Variants in ROCK2 observed in about 807,000 individuals in gnomAD.
The protein encoded by ROCK2 is Rho associated coiled-coil containing protein kinase 2.
Under a neutral mutation model 195.1 loss-of-function variants are expected in ROCK2, and 61 were observed. The observed-to-expected ratio is 0.31, with a 90% CI of 0.25 to 0.39. The LOEUF is 0.39. ROCK2 is among the 10% of genes least tolerant of loss of function. ROCK2 has a pLI of 1.00. For synonymous variants in ROCK2, 504 were observed against 545.5 expected (o/e 0.92, Z 1.06); for missense variants, 1,109 against 1,637.4 (o/e 0.68, Z 5.57).
intron 6 of ROCK2, 100 bp downstream of exon 6, chr2:11,227,154 T>A: frequency 8.8e-7 from 1 of 1,133,042 alleles, no homozygotes; most frequent in Non-Finnish European, 1.3e-6. Flanking sequence ...AATTCTTCCC[T>A]ACGACAAAGG....
chr2:11,181,181 A>AAAATATAT lies in ROCK2; in HGVS notation c.*2255_*2256insATATATTT, dbSNP rs894347975. 1 of 136,160 alleles carries AAAATATAT rather than the reference A, an allele frequency of 7.3e-6. No individual in the cohort carries two copies. The highest frequency in any genetic ancestry group is 1.6e-5 in the Non-Finnish European group (1 of 63,196). 8.4% of individuals were successfully genotyped at this position (136,160 alleles called of 1,614,324 possible). A position where few individuals can be genotyped will look rare whatever the true frequency, so the allele number is the denominator to read the frequency against. ...TTTCACCTTAATAAAGTTTATTAAA[A>AAAATATAT]ATATATATATATATATATATATATA... On this transcript the variant is annotated 3_prime_UTR_variant, in exon 33 of 33. Transcript: ENST00000315872.
At chr2:11,184,588 AT>A (rs1663121916) in intron 32 of ROCK2, 1 of 975,292 alleles carries the variant, frequency 1.0e-6, no homozygotes, top group African/African-American at 1.8e-5. Flanking sequence ...AAAATAAAAA[AT>A]AATGAAAGCC....
At chr2:11,308,789 T>A in intron 1 of ROCK2, 1 of 1,612,284 alleles carries the variant, frequency 6.2e-7, no homozygotes, top group Non-Finnish European at 8.5e-7. Context: ...CAGCACCAAG[T>A]GTTTTGCTTT....
chr2:11,293,499 C>T (rs1015686421), intron 1 of ROCK2, among the ~76,000 whole-genome samples: 1 of 152,126 alleles, frequency 6.6e-6, no homozygotes, highest in Non-Finnish European at 1.5e-5. Context: ...AAGACAGGAG[C>T]AATAGGAATG....
intron 1 of ROCK2, among the ~76,000 whole-genome samples, chr2:11,317,610 A>ATTTTTTTTTTTTTT: frequency 6.0e-5 from 1 of 16,800 alleles, no homozygotes; most frequent in African/African-American, 2.0e-4. Flanking sequence ...ATATATATAT[A>ATTTTTTTTTTTTTT]TATTTTTTTT....
intron 18 of ROCK2, among the ~76,000 whole-genome samples, chr2:11,209,859 T>C (rs1331173036): frequency 1.7e-4 from 26 of 152,204 alleles, no homozygotes; most frequent in Admixed American, 1.7e-3. Flanking sequence ...ACATTCCCCA[T>C]GTAGTACTAA....
chr2:11,269,791 C>T (rs1415200565), intron 3 of ROCK2, among the ~76,000 whole-genome samples: 1 of 152,174 alleles, frequency 6.6e-6, no homozygotes, highest in African/African-American at 2.4e-5. Context: ...TGCTCTGTCA[C>T]CCAGGCTGGA....
At position 11,198,661 on chromosome 2, in the gene ROCK2, C is replaced by A. The variant is rs377717550; in HGVS notation, c.3004+20G>T. The A allele has an allele frequency of 8.8e-5, 139 of 1,577,096 alleles. 1 individual carries two copies. The highest frequency in any genetic ancestry group is 1.2e-4 in the Non-Finnish European group (137 of 1,153,636). On this transcript the variant is annotated intron_variant, in intron 24 of 32. Transcript: ENST00000315872. ...AAACATTAGGTATATTAAAAATAAA[C>A]ATTTTTTGTTAATACATACGCTCTT...
intron 1 of ROCK2, among the ~76,000 whole-genome samples, chr2:11,334,403 C>T (rs944941834): frequency 6.7e-6 from 1 of 148,676 alleles, no homozygotes; most frequent in African/African-American, 2.5e-5. Flanking sequence ...CCCAGCTACT[C>T]GGGAGGCAGA....
intron 1 of ROCK2, among the ~76,000 whole-genome samples, chr2:11,332,244 A>T (rs970994137): frequency 6.6e-6 from 1 of 152,148 alleles, no homozygotes; most frequent in African/African-American, 2.4e-5. Context: ...ACAAGGTTTT[A>T]AAAAAATGCT....
intron 9 of ROCK2, among the ~76,000 whole-genome samples, chr2:11,219,379 T>TGGACACCTGTAGTACCA (rs1389314002): frequency 1.5e-5 from 2 of 136,514 alleles, no homozygotes; most frequent in African/African-American, 5.3e-5. Context: ...GGCATGGTGG[T>TGGACACCTGTAGTACCA]GGACACCTGT....
At chr2:11,223,860 A>G (rs1664720192) in intron 7 of ROCK2, among the ~76,000 whole-genome samples, 1 of 152,164 alleles carries the variant, frequency 6.6e-6, no homozygotes, top group Non-Finnish European at 1.5e-5. Flanking sequence ...AATTTCCAGG[A>G]TAGTCTTGCT....
At chr2:11,289,901 C>A (rs2148198340) in intron 1 of ROCK2, among the ~76,000 whole-genome samples, 1 of 152,276 alleles carries the variant, frequency 6.6e-6, no homozygotes, top group Admixed American at 6.5e-5. Context: ...CTCAACTCAA[C>A]CATCTTGTTT....
chr2:11,282,606 G>GAAA (rs771050154), intron 3 of ROCK2, among the ~76,000 whole-genome samples: 1 of 27,398 alleles, frequency 3.6e-5, no homozygotes. Context: ...ATATCTACAT[G>GAAA]CAAAAAAAAA....
rs73917510 is a variant in ROCK2 at position 11,209,072 on chromosome 2, A to G, written c.2204-625T>C. Among the ~76,000 whole-genome samples the G allele has an allele frequency of 5.8e-3, 890 of 152,312 alleles. 12 individuals are homozygous for G. The highest frequency in any genetic ancestry group is 0.02 in the African/African-American group (835 of 41,568). On this transcript the variant is annotated intron_variant, in intron 18 of 32. Transcript: ENST00000315872. ...TTTAAACAAAGGTTTCTTATATTCT[A>G]CTGCTTACTGCTATTCTATGTCTCT...
chr2:11,200,051 G>C (rs924442990), intron 23 of ROCK2, among the ~76,000 whole-genome samples: 6 of 152,148 alleles, frequency 3.9e-5, no homozygotes, highest in African/African-American at 1.4e-4. Context: ...GTATTTCAAA[G>C]TTGTTTTACC....
intron 3 of ROCK2, among the ~76,000 whole-genome samples, chr2:11,250,932 A>G (rs567620344): frequency 6.6e-6 from 1 of 152,092 alleles, no homozygotes; most frequent in Admixed American, 6.5e-5. Context: ...TTCCCATATC[A>G]TCTCTGCATG....
At chr2:11,311,414 TGCA>T (rs1286142799) in intron 1 of ROCK2, among the ~76,000 whole-genome samples, 1 of 152,102 alleles carries the variant, frequency 6.6e-6, no homozygotes, top group Non-Finnish European at 1.5e-5. Context: ...CTAGCATTCT[TGCA>T]GAGTAGGGAA....
chr2:11,344,463 G>C lies in ROCK2; in HGVS notation c.-327C>G. On this transcript the variant is annotated 5_prime_UTR_variant, in exon 1 of 33. Coordinates refer to ENST00000315872, the MANE Select transcript of ROCK2 (RefSeq NM_004850.5). This position sits in a 1 kb window ranked among gnomAD's most constrained non-coding sequence, Gnocchi z 5.4. ...GGAGTCCTCGGGCGGGAGCAGGGAA[G>C]TGGCGCCGCCACCGCCGCGGCCCGG... The C allele has an allele frequency of 2.0e-6, 2 of 1,010,398 alleles. No individual in the cohort carries two copies. Among genetic ancestry groups the C allele is most frequent in the African/African-American group, 1.7e-5 (1 of 58,380 alleles). The allele number at this position is 1,010,398 out of a possible 1,614,324, so 62.6% of individuals were successfully genotyped here. A position where few individuals can be genotyped will look rare whatever the true frequency, so the allele number is the denominator to read the frequency against.
Sources: gnomAD v4.1 joint callset for allele counts (sites outside exome capture counted in the v4.1 genomes callset) on GRCh38, gnomAD v4.1.1 for gene constraint, Gnocchi (gnomAD v3.1) non-coding constraint, MANE v1.5 for transcripts, NCBI Gene and HGNC (gene_info 2026-07-23, HGNC 2026-07-21) for gene names.